The following NFIX variants were observed in gnomAD, a reference collection of about 807,000 sequenced individuals.
NFIX encodes nuclear factor 1 X-type.
Under a neutral mutation model 53.3 loss-of-function variants are expected in NFIX, and 2 were observed. The observed-to-expected ratio is 0.04, with a 90% confidence interval of 0.02 to 0.12. NFIX has a LOEUF of 0.12. NFIX is among the 10% of genes least tolerant of loss of function. The pLI is 1.00. For synonymous variants in NFIX, 244 were observed against 289.0 expected, an observed-to-expected ratio of 0.84 and a Z score of 1.58; for missense variants, 310 against 674.5, an observed-to-expected ratio of 0.46 and a Z score of 5.99.
At chr19:13,008,911 A>G (rs112650291) in intron 1 of NFIX, among the ~76,000 whole-genome samples, 1,589 of 152,322 alleles carry the variant, frequency 0.01, 26 homozygotes, top group African/African-American at 0.037. Context: ...GCCAAGGCCC[A>G]AGAGGAAACC....
intron 2 of NFIX, among the ~76,000 whole-genome samples, chr19:13,053,161 TGG>T (rs962502853): frequency 6.6e-6 from 1 of 152,140 alleles, no homozygotes; most frequent in African/African-American, 2.4e-5. Flanking sequence ...CAGTGTTTTG[TGG>T]GGGTCTTTCC....
chr19:13,024,954 C>T (rs1388031967), intron 1 of NFIX, 67 bp from the exon 2 acceptor site: 4 of 1,544,668 alleles, frequency 2.6e-6, no homozygotes, highest in Admixed American at 3.9e-5. Context: ...CTCTCTTTCC[C>T]CCTCATCCCG....
At chr19:13,084,343 C>T (rs2145486825) in intron 8 of NFIX, among the ~76,000 whole-genome samples, 1 of 152,256 alleles carries the variant, frequency 6.6e-6, no homozygotes, top group South Asian at 2.1e-4. Context: ...ACTTGGGAGG[C>T]TGAGGCAGAA....
rs2018262504 is a variant in NFIX at position 13,093,510 on chromosome 19, C to T, written c.1495-1125C>T. On this transcript the variant is annotated intron_variant, in intron 10 of 10. Transcript: ENST00000592199. The surrounding 1 kb of genome is among the most constrained non-coding windows in gnomAD (Gnocchi z 4.7). The stretch of plus-strand genomic sequence containing the variant: ...TTCCTCGTGCTCGCAGCACAGGCAG[C>T]AGTTAGGAGCACAGCCTGCACTGCC... Among the ~76,000 whole-genome samples, 1 of 152,208 alleles carries T rather than the reference C, an allele frequency of 6.6e-6. No homozygotes were observed. Among genetic ancestry groups the T allele is most frequent in the Admixed American group, 6.5e-5 (1 of 15,284 alleles).
rs996422940 is a variant in NFIX, at chr19:13,016,655, T to G, written c.28-8366T>G. On this transcript the variant is annotated intron_variant, in intron 1 of 10. Transcript: ENST00000592199. ...TTCAAATTGGGTTGTTGGGTTTGAG[T>G]TTTTTTTTTTTTTTTAATGGATCTT... Among the ~76,000 whole-genome samples, 20 of 124,608 alleles carry G rather than the reference T, an allele frequency of 1.6e-4. 1 individual carries two copies. The highest frequency in any genetic ancestry group is 1.4e-3 in the East Asian group (7 of 4,850). The allele number at this position is 124,608 out of a possible 152,430, so 81.7% of individuals were successfully genotyped here. A position where few individuals can be genotyped will look rare whatever the true frequency, so the allele number is the denominator to read the frequency against.
chr19:13,083,205 A>G (rs935987316), intron 8 of NFIX, among the ~76,000 whole-genome samples: 4 of 152,208 alleles, frequency 2.6e-5, no homozygotes, highest in Admixed American at 2.6e-4. Flanking sequence ...GACCTCTGAC[A>G]GCTGCTGTGC....
chr19:13,078,761 G>T lies in NFIX; in HGVS notation c.1078+26G>T. 1 of 1,586,648 alleles carries T rather than the reference G, an allele frequency of 6.3e-7. No homozygotes were observed. Among genetic ancestry groups the T allele is most frequent in the Non-Finnish European group, 8.6e-7 (1 of 1,165,870 alleles). The stretch of plus-strand genomic sequence containing the variant: ...GTGAGAAATGGGGGGCCCCGGAGGG[G>T]GGCAGTTGGGGAGGTGGCTGAGTAT... On this transcript the variant is annotated intron_variant, in intron 7 of 10. Coordinates refer to ENST00000592199, the MANE Select transcript of NFIX (RefSeq NM_001365902.3). This position sits in a 1 kb window ranked among gnomAD's most constrained non-coding sequence, Gnocchi z 4.7.
At chr19:13,019,162 G>A (rs991916282) in intron 1 of NFIX, among the ~76,000 whole-genome samples, 1 of 151,642 alleles carries the variant, frequency 6.6e-6, no homozygotes, top group Non-Finnish European at 1.5e-5. Flanking sequence ...AAGTGGCCCT[G>A]TCTTAAAATA....
At position 13,088,210 on chromosome 19, in the gene NFIX, G is replaced by A; in HGVS notation, c.1402+74G>A. The stretch of plus-strand genomic sequence containing the variant: ...GTCCAAACAGTCTCCACTGCAAAAA[G>A]AAAAGCCTTCCCCCTCCCCACCACC... On this transcript the variant is annotated intron_variant, in intron 9 of 10. Transcript: ENST00000592199. The surrounding 1 kb of genome is among the most constrained non-coding windows in gnomAD (Gnocchi z 5.9). 1.3e-6 allele frequency: 2 copies of A among 1,501,590 alleles called. No homozygotes were observed. The highest frequency in any genetic ancestry group is 8.9e-7 in the Non-Finnish European group (1 of 1,122,440). 93.0% of individuals were successfully genotyped at this position (1,501,590 alleles called of 1,614,324 possible).
rs992990626 is a variant in NFIX, at chr19:13,070,088, G to A, written c.560-2959G>A. 2.6e-5 allele frequency: 4 copies of A among 152,294 alleles called. No individual in the cohort carries two copies. In the South Asian group the frequency reaches 6.2e-4, roughly 24 times the overall value. 9.4% of individuals were successfully genotyped at this position (152,294 alleles called of 1,614,324 possible). On this transcript the variant is annotated intron_variant, in intron 2 of 10. Transcript: ENST00000592199. ...CTGCCAGGTAAGAAAGCTGGCCCAC[G>A]TTGTGCCTCTGGTGGGCAGGACGTC...
chr19:13,010,650 G>T (rs1802773251), intron 1 of NFIX, among the ~76,000 whole-genome samples: 1 of 152,230 alleles, frequency 6.6e-6, no homozygotes, highest in Non-Finnish European at 1.5e-5. Flanking sequence ...AGGTACTCGA[G>T]CCCTGCGCCC....
chr19:13,071,296 C>G (rs2016761255), intron 2 of NFIX: 1 of 152,266 alleles, frequency 6.6e-6, no homozygotes, highest in Non-Finnish European at 1.5e-5. Flanking sequence ...CACTCCCGGA[C>G]TGGCTGGGGC....
chr19:13,018,729 GTT>G (rs929893001), intron 1 of NFIX, among the ~76,000 whole-genome samples: 3 of 152,222 alleles, frequency 2.0e-5, no homozygotes, highest in Non-Finnish European at 4.4e-5. Context: ...CATGTCTGCA[GTT>G]CCCTTCCCAT....
intron 8 of NFIX, among the ~76,000 whole-genome samples, chr19:13,086,432 A>G (rs2017783794): frequency 1.3e-5 from 2 of 152,190 alleles, no homozygotes; most frequent in Non-Finnish European, 2.9e-5. Context: ...GTGACTTAGG[A>G]TAAACCATTT....
At position 13,025,152 on chromosome 19, in the gene NFIX, G is replaced by A. The variant is rs1298706240; in HGVS notation, c.159G>A (p.Glu53=). The part of the protein sequence containing the change: ...KHEKRMSKDE[E]RAVKDELLGE... ...AAAAGCGGATGTCGAAGGACGAGGA[G>A]CGGGCGGTGAAGGACGAGCTGCTGG... The change falls in exon 2 of 11, where the codon GAG becomes GAA. Residue 53 remains glutamate, a synonymous_variant. Coordinates refer to ENST00000592199, the MANE Select transcript of NFIX (RefSeq NM_001365902.3). The surrounding 1 kb of genome is among the most constrained non-coding windows in gnomAD (Gnocchi z 7.5). 6.2e-7 allele frequency: 1 copy of A among 1,614,248 alleles called. No individual in the cohort carries two copies. The highest frequency in any genetic ancestry group is 8.5e-7 in the Non-Finnish European group (1 of 1,180,054).
chr19:13,083,249 G>A (rs987850497), intron 8 of NFIX, among the ~76,000 whole-genome samples: 4 of 152,196 alleles, frequency 2.6e-5, no homozygotes. Flanking sequence ...TTCACGGGGA[G>A]CTACCAGCCT....
intron 8 of NFIX, 189 bp downstream of exon 8, chr19:13,082,044 C>T (rs913109836): frequency 4.3e-5 from 28 of 644,458 alleles, no homozygotes; most frequent in Non-Finnish European, 7.4e-5. Context: ...TATGCCAGGG[C>T]TTGTCTATCA....
chr19:13,050,563 C>CT (rs2015265821), intron 2 of NFIX, among the ~76,000 whole-genome samples: 1 of 152,124 alleles, frequency 6.6e-6, no homozygotes. Context: ...GTGGAATTAA[C>CT]TTTAAGGCAC....
At chr19:13,020,922 A>C (rs2012930474) in intron 1 of NFIX, among the ~76,000 whole-genome samples, 1 of 151,838 alleles carries the variant, frequency 6.6e-6, no homozygotes, top group Non-Finnish European at 1.5e-5. Flanking sequence ...TTCAGATTCA[A>C]CCCATGTCGA....
Sources: allele counts gnomAD v4.1 joint callset (sites outside exome capture counted in the v4.1 genomes callset), GRCh38; gene constraint gnomAD v4.1.1; non-coding constraint Gnocchi (gnomAD v3.1); transcripts MANE v1.5; gene names NCBI Gene and HGNC (gene_info 2026-07-23, HGNC 2026-07-21).